ARRDC5: variants seen among roughly 807,000 people sequenced by gnomAD.
ARRDC5 encodes arrestin domain-containing protein 5.
Under a neutral mutation model 13.3 loss-of-function variants are expected in ARRDC5, and 12 were observed. The observed-to-expected ratio is 0.90, with a 90% confidence interval of 0.58 to 1.46. The LOEUF (loss-of-function observed/expected upper bound fraction) is 1.46. Among genes scored for constraint, ARRDC5 ranks in the 40% most tolerant of loss-of-function variants. The probability of loss-of-function intolerance (pLI) is 0.00; values close to 1 mark genes in which losing one functional copy is unlikely to be tolerated. For synonymous variants in ARRDC5, 181 were observed against 173.4 expected (o/e 1.04, Z -0.34); for missense variants, 406 against 418.7 (o/e 0.97, Z 0.26).
At chr19:4,913,235 T>G in the ARRDC5 span, among the ~76,000 whole-genome samples, 2 of 149,242 alleles carry the variant, frequency 1.3e-5, no homozygotes, top group African/African-American at 5.0e-5. Flanking sequence ...GTATGTTAAT[T>G]AGACATGTAC....
intron 2 of ARRDC5, among the ~76,000 whole-genome samples, chr19:4,891,880 G>C (rs773817050): frequency 1.3e-5 from 2 of 151,050 alleles, no homozygotes; most frequent in Non-Finnish European, 2.9e-5. Context: ...TCTTGAACCC[G>C]GGAGGTGGAG....
the ARRDC5 span, among the ~76,000 whole-genome samples, chr19:4,908,474 C>T: frequency 6.6e-6 from 1 of 152,144 alleles, no homozygotes; most frequent in Non-Finnish European, 1.5e-5. Context: ...TCCCCCTCCC[C>T]TTTGCTCAGT....
At chr19:4,911,268 T>G in the ARRDC5 span, among the ~76,000 whole-genome samples, 1 of 152,144 alleles carries the variant, frequency 6.6e-6, no homozygotes, top group Non-Finnish European at 1.5e-5. Context: ...CCCTCGAATC[T>G]ATAGGGTCTG....
In ARRDC5 at chr19:4,890,821, C is replaced by T. The variant is rs1007979708; in HGVS notation, c.*225G>A. 9.7e-6 allele frequency: 5 copies of T among 515,452 alleles called. No individual in the cohort carries two copies. The highest frequency in any genetic ancestry group is 1.4e-5 in the Non-Finnish European group (4 of 290,830). 31.9% of individuals were successfully genotyped at this position (515,452 alleles called of 1,614,324 possible). The stretch of plus-strand genomic sequence containing the variant: ...TCAGGGTGGAAAAGGCAGGTTATGC[C>T]GGGTTTGGGTCCTGGGAGACCTTCC... On this transcript the variant is annotated 3_prime_UTR_variant, in exon 3 of 3. Coordinates refer to ENST00000650722, the MANE Select transcript of ARRDC5 (RefSeq NM_001080523.3).
the ARRDC5 span, among the ~76,000 whole-genome samples, chr19:4,914,115 C>T: frequency 3.8e-4 from 58 of 152,004 alleles, no homozygotes; most frequent in Admixed American, 2.5e-3. Flanking sequence ...TGTGAACCGT[C>T]GCATCCGGCC....
intron 2 of ARRDC5, among the ~76,000 whole-genome samples, chr19:4,895,422 C>CAAAAAAAAAAAA (rs1039157516): frequency 1.4e-5 from 1 of 70,710 alleles, no homozygotes; most frequent in Non-Finnish European, 2.8e-5. Flanking sequence ...GACTCCGTCT[C>CAAAAAAAAAAAA]AAAAAAAAAA....
At chr19:4,901,335 G>A (rs1345668280) in intron 1 of ARRDC5, among the ~76,000 whole-genome samples, 2 of 151,998 alleles carry the variant, frequency 1.3e-5, no homozygotes, top group African/African-American at 4.8e-5. Context: ...AAATACATAA[G>A]CCAGGCCTGG....
At chr19:4,903,739 A>G (rs76258579), upstream of ARRDC5, 1 of 151,816 alleles carries the variant, frequency 6.6e-6, no homozygotes, top group South Asian at 2.1e-4. Context: ...GTGGCCTCAC[A>G]TGATTCGCCT....
upstream of ARRDC5, among the ~76,000 whole-genome samples, chr19:4,906,039 C>T (rs1193687710): frequency 6.6e-6 from 1 of 152,188 alleles, no homozygotes; most frequent in Non-Finnish European, 1.5e-5. Flanking sequence ...TGCAGTGGCG[C>T]AAGCATGGCT....
At chr19:4,912,334 C>G in the ARRDC5 span, among the ~76,000 whole-genome samples, 1 of 152,174 alleles carries the variant, frequency 6.6e-6, no homozygotes, top group African/African-American at 2.4e-5. Context: ...ATTTGCCACT[C>G]AGCCTATTGG....
In ARRDC5 at chr19:4,890,921, G is replaced by T; in HGVS notation, c.*125C>A. ...AGACACAGATACCTAAACCGCTAGA[G>T]CTTGGGGAGGTTGCAGACAACCTGT... On this transcript the variant is annotated 3_prime_UTR_variant, in exon 3 of 3. Transcript: ENST00000650722. 1 of 723,194 alleles carries T rather than the reference G, an allele frequency of 1.4e-6. No individual in the cohort carries two copies. Among genetic ancestry groups the T allele is most frequent in the Non-Finnish European group, 2.3e-6 (1 of 437,868 alleles). The allele number at this position is 723,194 out of a possible 1,614,324, so 44.8% of individuals were successfully genotyped here.
rs1473180481 is a variant in ARRDC5, at chr19:4,902,585, A to G, written c.241T>C (p.Phe81Leu). ...KADYVHKTKT[F>L]PVEDNWLSAG... ...GCCTCGTCCTTACCCTCCACTGGGA[A>G]TGTCTTTGTCTTATGCACGTAGTCT... Residue 81 changes from phenylalanine (F) to leucine (L), a missense_variant, in exon 1 of 3, where the codon TTC becomes CTC. Coordinates refer to ENST00000650722, the MANE Select transcript of ARRDC5 (RefSeq NM_001080523.3). 2.5e-6 allele frequency: 4 copies of G among 1,613,782 alleles called. No homozygotes were observed. Among genetic ancestry groups the G allele is most frequent in the Non-Finnish European group, 3.4e-6 (4 of 1,179,766 alleles).
the ARRDC5 span, chr19:4,909,895 G>C: frequency 7.5e-5 from 28 of 375,166 alleles, no homozygotes; most frequent in Admixed American, 4.6e-4. Flanking sequence ...GCCGGGTGGG[G>C]GAGGGCCTGG....
At position 4,902,809 on chromosome 19, in the gene ARRDC5, G is replaced by C. The variant is rs773823469; in HGVS notation, c.17C>G (p.Ser6Trp). The C allele has an allele frequency of 1.1e-5, 18 of 1,613,820 alleles. No homozygotes were observed. Among genetic ancestry groups the C allele is most frequent in the Non-Finnish European group, 1.5e-5 (18 of 1,179,872 alleles). The part of the protein sequence containing the change: MSVVK[S>W]IELVLPEDRI... Reference sequence around the variant, plus strand: ...ATCCTCGGGCAGCACTAATTCGATCGACTTCACCACAGACATGGGGGGTTG... The same window carrying C: ...ATCCTCGGGCAGCACTAATTCGATCCACTTCACCACAGACATGGGGGGTTG... Residue 6 changes from serine to tryptophan, a missense_variant, in exon 1 of 3, where the codon TCG (serine) becomes TGG (tryptophan). Ser to Trp is a radical substitution (Grantham distance 177). Coordinates refer to ENST00000650722, the MANE Select transcript of ARRDC5 (RefSeq NM_001080523.3).
the ARRDC5 span, chr19:4,909,195 C>T: frequency 4.5e-6 from 2 of 444,786 alleles, no homozygotes; most frequent in Non-Finnish European, 8.0e-6. Context: ...CGGACTTGGA[C>T]TTAAGAGTTC....
At chr19:4,896,608 C>A in intron 2 of ARRDC5, 63 bp downstream of exon 2, 1 of 1,312,910 alleles carries the variant, frequency 7.6e-7, no homozygotes, top group Non-Finnish European at 1.1e-6. Flanking sequence ...TGCCTGCCCA[C>A]CTTCCCTCTT....
chr19:4,894,386 C>T (rs1376488337), intron 2 of ARRDC5, among the ~76,000 whole-genome samples: 1 of 150,152 alleles, frequency 6.7e-6, no homozygotes, highest in African/African-American at 2.4e-5. Context: ...TGGCAGGCGC[C>T]TGTAGTCCCA....
At chr19:4,915,889 G>A in the ARRDC5 span, among the ~76,000 whole-genome samples, 2 of 152,166 alleles carry the variant, frequency 1.3e-5, no homozygotes, top group African/African-American at 4.8e-5. Context: ...CCTTACGTGC[G>A]CTGTGTTGGA....
At chr19:4,898,833 G>T (rs1378071018) in intron 1 of ARRDC5, among the ~76,000 whole-genome samples, 1 of 151,714 alleles carries the variant, frequency 6.6e-6, no homozygotes, top group Middle Eastern at 3.4e-3. Context: ...TGCCATGTTG[G>T]TCAGGCTGGT....
Sources: gnomAD v4.1 joint callset for allele counts (sites outside exome capture counted in the v4.1 genomes callset) on GRCh38, gnomAD v4.1.1 for gene constraint, MANE v1.5 for transcripts, NCBI Gene and HGNC (gene_info 2026-07-23, HGNC 2026-07-21) for gene names.